The following MALRD1 variants were observed in gnomAD, a reference collection of about 807,000 sequenced individuals.
MALRD1 encodes MAM and LDL-receptor class A domain-containing protein 1.
In MALRD1, 247 loss-of-function variants were observed where a neutral mutation model predicts 242.1. The ratio of observed to expected loss-of-function variants is 1.02; its 90% CI spans 0.92 to 1.13. The LOEUF (loss-of-function observed/expected upper bound fraction) is 1.13. Among genes scored for constraint, MALRD1 ranks in the 50% most tolerant of loss-of-function variants. The probability of loss-of-function intolerance (pLI) is 0.00; values close to 1 mark genes in which losing one functional copy is unlikely to be tolerated. For missense variants in MALRD1, 2,989 were observed against 2,533.1 expected, an observed-to-expected ratio of 1.18 and a Z score of -3.86; for synonymous variants, 995 against 866.6, an observed-to-expected ratio of 1.15 and a Z score of -2.60.
intron 32 of MALRD1, among the ~76,000 whole-genome samples, chr10:19,566,166 T>C (rs1004718955): frequency 3.3e-5 from 5 of 152,102 alleles, no homozygotes; most frequent in Non-Finnish European, 7.4e-5. Flanking sequence ...TCTCCCTCTG[T>C]TGCCCAGGCT....
chr10:19,383,197 C>T (rs1410402389), intron 26 of MALRD1, among the ~76,000 whole-genome samples: 1 of 152,014 alleles, frequency 6.6e-6, no homozygotes, highest in Non-Finnish European at 1.5e-5. Context: ...ATCTGCAGTC[C>T]TCTCCCATCC....
At chr10:19,390,495 A>G (rs927406127) in intron 28 of MALRD1, among the ~76,000 whole-genome samples, 18 of 152,218 alleles carry the variant, frequency 1.2e-4, no homozygotes, top group Admixed American at 9.8e-4. Context: ...ACAAAATAAC[A>G]TAGTAAATAT....
intron 38 of MALRD1, among the ~76,000 whole-genome samples, chr10:19,695,269 C>T (rs80093916): frequency 0.02 from 2,995 of 151,848 alleles, 101 homozygotes; most frequent in African/African-American, 0.06. Flanking sequence ...CATTATCCAC[C>T]GACTAAAAAG....
At chr10:19,136,338 A>AT (rs1833337814) in intron 9 of MALRD1, among the ~76,000 whole-genome samples, 6 of 123,850 alleles carry the variant, frequency 4.8e-5, no homozygotes, top group Admixed American at 4.3e-4. Context: ...TGTTTCCATC[A>AT]GTTTTTTTTT....
At chr10:19,240,121 A>G (rs938326720) in intron 18 of MALRD1, among the ~76,000 whole-genome samples, 6 of 152,094 alleles carry the variant, frequency 3.9e-5, no homozygotes, top group African/African-American at 9.7e-5. Context: ...AGTTCTTCCA[A>G]TCCATGAGTA....
At chr10:19,452,749 C>T (rs1317010108) in intron 29 of MALRD1, among the ~76,000 whole-genome samples, 1 of 152,112 alleles carries the variant, frequency 6.6e-6, no homozygotes, top group African/African-American at 2.4e-5. Context: ...GTAAGTTACA[C>T]TAAGTTGCTT....
intron 33 of MALRD1, among the ~76,000 whole-genome samples, chr10:19,581,286 GTAT>G (rs887955245): frequency 2.0e-5 from 3 of 151,354 alleles, no homozygotes; most frequent in African/African-American, 7.3e-5. Context: ...AGTTACATAT[GTAT>G]ACATGTGACA....
At chr10:19,398,711 G>A (rs1252177094) in intron 28 of MALRD1, among the ~76,000 whole-genome samples, 2 of 152,094 alleles carry the variant, frequency 1.3e-5, no homozygotes, top group East Asian at 1.9e-4. Flanking sequence ...ATTTTATGAG[G>A]ACATCTATCT....
chr10:19,305,552 A>G (rs1842126268), intron 21 of MALRD1, among the ~76,000 whole-genome samples: 1 of 151,182 alleles, frequency 6.6e-6, no homozygotes, highest in Non-Finnish European at 1.5e-5. Flanking sequence ...TGTGAGAAAG[A>G]TCTTATATTC....
intron 36 of MALRD1, among the ~76,000 whole-genome samples, chr10:19,638,072 G>A (rs983060131): frequency 1.6e-4 from 20 of 123,666 alleles, no homozygotes; most frequent in African/African-American, 5.8e-4. Context: ...CTGCACTGTA[G>A]CCTGGGCAAC....
At chr10:19,047,859 C>A (rs1834377590), upstream of MALRD1, among the ~76,000 whole-genome samples, 1 of 152,154 alleles carries the variant, frequency 6.6e-6, no homozygotes, top group South Asian at 2.1e-4. Flanking sequence ...ATGCTCCTTT[C>A]CACTCTACAT....
At position 19,453,995 on chromosome 10, in the gene MALRD1, G is replaced by A. The variant is rs540940493; in HGVS notation, c.5029+3505G>A. 6.6e-5 allele frequency among the ~76,000 whole-genome samples: 10 copies of A among 152,280 alleles called. No individual in the cohort carries two copies. In the South Asian group the frequency reaches 2.1e-3, roughly 32 times the overall value. ...CAAGAGGCTAAGCCCAGGAGTTGGA[G>A]GTTTCAATGAGCCATGATCATGCCA... On this transcript the variant is annotated intron_variant, in intron 29 of 39. Transcript: ENST00000454679.
chr10:19,414,638 G>C (rs1833429932), intron 28 of MALRD1, among the ~76,000 whole-genome samples: 1 of 152,152 alleles, frequency 6.6e-6, no homozygotes, highest in South Asian at 2.1e-4. Context: ...AAATGTATTA[G>C]TGAAAGTTGG....
At chr10:19,432,893 T>C (rs1834199916) in intron 28 of MALRD1, among the ~76,000 whole-genome samples, 1 of 152,244 alleles carries the variant, frequency 6.6e-6, no homozygotes, top group African/African-American at 2.4e-5. Context: ...GGAAACTGAA[T>C]AACTTTGGAT....
At chr10:19,607,291 T>G (rs2131590948) in intron 34 of MALRD1, among the ~76,000 whole-genome samples, 1 of 152,272 alleles carries the variant, frequency 6.6e-6, no homozygotes, top group South Asian at 2.1e-4. Flanking sequence ...TTTCTCCCAC[T>G]TCTGGAGGCT....
intron 21 of MALRD1, among the ~76,000 whole-genome samples, chr10:19,300,314 C>A (rs1378184801): frequency 6.6e-6 from 1 of 151,896 alleles, no homozygotes; most frequent in East Asian, 1.9e-4. Flanking sequence ...AGATTTAATG[C>A]TATTTCTATC....
At chr10:19,378,376 A>G (rs928568679) in intron 26 of MALRD1, among the ~76,000 whole-genome samples, 1 of 152,176 alleles carries the variant, frequency 6.6e-6, no homozygotes, top group Non-Finnish European at 1.5e-5. Flanking sequence ...AACCCCTTCT[A>G]TACCACTGTA....
chr10:19,099,759 A>ATTTTT (rs147863650), intron 4 of MALRD1, among the ~76,000 whole-genome samples: 5 of 96,750 alleles, frequency 5.2e-5, no homozygotes, highest in Admixed American at 1.1e-4. Context: ...CTATATATAT[A>ATTTTT]TATATTTTTT....
intron 19 of MALRD1, among the ~76,000 whole-genome samples, chr10:19,269,273 G>A (rs574095427): frequency 6.6e-6 from 1 of 152,030 alleles, no homozygotes; most frequent in South Asian, 2.1e-4. Context: ...AGTAGATTAG[G>A]TCATGAGGAT....
Sources: allele counts gnomAD v4.1 joint callset (sites outside exome capture counted in the v4.1 genomes callset), GRCh38; gene constraint gnomAD v4.1.1; transcripts MANE v1.5; gene names NCBI Gene and HGNC (gene_info 2026-07-23, HGNC 2026-07-21).